SLIT3: variants seen among roughly 807,000 people sequenced by gnomAD.
SLIT3 encodes the protein slit homolog 3 protein.
SLIT3 carries 68 observed loss-of-function variants against 184.0 expected under a neutral mutation model. The observed-to-expected ratio is 0.37, with a 90% confidence interval of 0.30 to 0.45. The LOEUF is 0.45. Among genes scored for constraint, SLIT3 ranks in the 20% least tolerant of loss-of-function variants. SLIT3 has a pLI of 1.00. For missense variants in SLIT3, 1,707 were observed against 2,026.0 expected, an observed-to-expected ratio of 0.84 and a Z score of 3.02; for synonymous variants, 831 against 828.6, an observed-to-expected ratio of 1.00 and a Z score of -0.05.
intron 6 of SLIT3, among the ~76,000 whole-genome samples, chr5:168,827,007 G>A (rs906255278): frequency 2.2e-4 from 33 of 152,110 alleles, no homozygotes; most frequent in East Asian, 1.9e-4. Flanking sequence ...CAGGTGATCC[G>A]CCTGCCTAGG....
chr5:169,000,478 T>G (rs1473221291), intron 4 of SLIT3, among the ~76,000 whole-genome samples: 2 of 150,906 alleles, frequency 1.3e-5, no homozygotes, highest in Non-Finnish European at 2.9e-5. Flanking sequence ...GCATCAACGC[T>G]TAAGCCTACA....
chr5:168,938,029 C>A (rs1762216657), intron 4 of SLIT3, among the ~76,000 whole-genome samples: 1 of 152,128 alleles, frequency 6.6e-6, no homozygotes, highest in South Asian at 2.1e-4. Context: ...TACTGCGGAT[C>A]TGTATATTTA....
chr5:168,879,251 A>G (rs1164031654), intron 5 of SLIT3, among the ~76,000 whole-genome samples: 2 of 152,196 alleles, frequency 1.3e-5, no homozygotes, highest in African/African-American at 4.8e-5. Flanking sequence ...GAATTCCCTG[A>G]GCTCACACAC....
chr5:168,704,933 C>T (rs1369039310), intron 26 of SLIT3, among the ~76,000 whole-genome samples: 1 of 152,152 alleles, frequency 6.6e-6, no homozygotes, highest in East Asian at 1.9e-4. Flanking sequence ...AGGGACATAG[C>T]ACAGAGAATT....
intron 3 of SLIT3, among the ~76,000 whole-genome samples, chr5:169,222,307 C>T (rs988516049): frequency 2.0e-5 from 3 of 152,088 alleles, no homozygotes; most frequent in Non-Finnish European, 2.9e-5. Flanking sequence ...ATCTAACATA[C>T]ATCACCAAAA....
At position 168,789,546 on chromosome 5, in the gene SLIT3, C is replaced by T. The variant is rs200926999; in HGVS notation, c.1079+14G>A. The stretch of plus-strand genomic sequence containing the variant: ...CCTCCCCTCACCTCAGGCCCCAACT[C>T]GGGCCCCACTTACAGCGATGTGAGT... On this transcript the variant is annotated intron_variant, in intron 11 of 35. Transcript: ENST00000519560. The T allele has an allele frequency of 2.4e-5, 38 of 1,607,936 alleles. No individual in the cohort carries two copies. The highest frequency in any genetic ancestry group is 1.6e-4 in the East Asian group (7 of 44,782).
At chr5:169,000,548 A>G (rs1174984639) in intron 4 of SLIT3, among the ~76,000 whole-genome samples, 5 of 152,150 alleles carry the variant, frequency 3.3e-5, no homozygotes, top group South Asian at 2.1e-4. Context: ...TCAATAACCT[A>G]AAAACAATAA....
chr5:169,163,826 C>T (rs914594459), intron 4 of SLIT3, among the ~76,000 whole-genome samples: 3 of 152,198 alleles, frequency 2.0e-5, no homozygotes, highest in Admixed American at 1.3e-4. Flanking sequence ...CTGCGCTCTT[C>T]CAATCTTACC....
At chr5:169,006,109 GA>G (rs988106366) in intron 4 of SLIT3, among the ~76,000 whole-genome samples, 1 of 152,100 alleles carries the variant, frequency 6.6e-6, no homozygotes, top group East Asian at 1.9e-4. Flanking sequence ...ACACAGACAA[GA>G]AAAAAATCAT....
At chr5:168,958,796 G>A (rs927391496) in intron 4 of SLIT3, among the ~76,000 whole-genome samples, 10 of 152,218 alleles carry the variant, frequency 6.6e-5, no homozygotes, top group Non-Finnish European at 1.3e-4. Context: ...CATGTGTACC[G>A]ACATTCTTTT....
At chr5:169,226,870 A>C (rs901558586) in intron 3 of SLIT3, among the ~76,000 whole-genome samples, 1 of 152,160 alleles carries the variant, frequency 6.6e-6, no homozygotes, top group Non-Finnish European at 1.5e-5. Context: ...AATGTGGGAC[A>C]CTGGAGGCGG....
chr5:169,143,501 A>G (rs1175493809), intron 4 of SLIT3, among the ~76,000 whole-genome samples: 3 of 152,242 alleles, frequency 2.0e-5, no homozygotes, highest in Non-Finnish European at 4.4e-5. Context: ...GTTTGCATAA[A>G]TAGTATGTAT....
chr5:168,724,567 C>A, intron 20 of SLIT3, 83 bp from the exon 21 acceptor site: 1 of 1,179,186 alleles, frequency 8.5e-7, no homozygotes, highest in Non-Finnish European at 1.2e-6. Context: ...CCCTGACTTT[C>A]CAGGCTGGAT....
At chr5:168,779,256 T>A (rs1755880220) in intron 12 of SLIT3, among the ~76,000 whole-genome samples, 1 of 152,178 alleles carries the variant, frequency 6.6e-6, no homozygotes, top group Non-Finnish European at 1.5e-5. Flanking sequence ...CATGCTGCTG[T>A]GAGAGCCAGT....
intron 5 of SLIT3, among the ~76,000 whole-genome samples, chr5:168,878,717 C>CTTTTT (rs35132944): frequency 2.1e-5 from 3 of 140,750 alleles, no homozygotes; most frequent in Non-Finnish European, 3.1e-5. Context: ...CAGTTTCTTC[C>CTTTTT]TTTTTTTTTT....
intron 9 of SLIT3, among the ~76,000 whole-genome samples, chr5:168,800,930 A>G (rs756602879): frequency 6.8e-6 from 1 of 148,146 alleles, no homozygotes; most frequent in Non-Finnish European, 1.5e-5. Context: ...TGCTTTTTAC[A>G]TTCTTTTTAG....
intron 4 of SLIT3, among the ~76,000 whole-genome samples, chr5:169,041,376 G>A (rs1757443643): frequency 6.6e-6 from 1 of 152,194 alleles, no homozygotes; most frequent in South Asian, 2.1e-4. Flanking sequence ...TCACAACAGA[G>A]TATGATGAGT....
chr5:169,238,694 T>C (rs1017497053), intron 3 of SLIT3, among the ~76,000 whole-genome samples: 11 of 152,140 alleles, frequency 7.2e-5, no homozygotes, highest in African/African-American at 2.2e-4. Context: ...TTTTTATTTC[T>C]ACTATTGTTC....
At chr5:169,230,546 AC>A (rs576791968) in intron 3 of SLIT3, among the ~76,000 whole-genome samples, 2 of 152,198 alleles carry the variant, frequency 1.3e-5, no homozygotes, top group Non-Finnish European at 2.9e-5. Flanking sequence ...AGAGCTAAAA[AC>A]GTCATGGTTT....
Sources: allele counts gnomAD v4.1 joint callset (sites outside exome capture counted in the v4.1 genomes callset), GRCh38; gene constraint gnomAD v4.1.1; transcripts MANE v1.5; gene names NCBI Gene and HGNC (gene_info 2026-07-23, HGNC 2026-07-21).